SRSF10: variants seen among roughly 807,000 people sequenced by gnomAD.
SRSF10 encodes the protein serine and arginine rich splicing factor 10, also known as serine/arginine-rich splicing factor 10.
Under a neutral mutation model 32.6 loss-of-function variants are expected in SRSF10, and 9 were observed. The observed-to-expected ratio is 0.28, with a 90% CI of 0.17 to 0.48. SRSF10 has a LOEUF of 0.48. SRSF10 is among the 20% of genes least tolerant of loss of function. SRSF10 has a pLI of 0.99. For synonymous variants in SRSF10, 105 were observed against 112.4 expected, an observed-to-expected ratio of 0.93 and a Z score of 0.42; for missense variants, 201 against 331.8, an observed-to-expected ratio of 0.61 and a Z score of 3.06.
At position 23,980,280 on chromosome 1, in the gene SRSF10, G is replaced by GCACTAACGGGCT; in HGVS notation, c.-37_-26dup. The GCACTAACGGGCT allele has an allele frequency of 1.4e-6, 2 of 1,453,594 alleles. No homozygotes were observed. The highest frequency in any genetic ancestry group is 1.8e-6 in the Non-Finnish European group (2 of 1,096,728). The allele number at this position is 1,453,594 out of a possible 1,614,324, so 90.0% of individuals were successfully genotyped here. A position where few individuals can be genotyped will look rare whatever the true frequency, so the allele number is the denominator to read the frequency against. ...TGGCGGCGGCGTGTCTCGGCCGGGC[G>GCACTAACGGGCT]CACTAACGGGCTCAGCAAACCGTCC... On this transcript the variant is annotated 5_prime_UTR_variant, in exon 1 of 6. Coordinates refer to ENST00000492112, the MANE Select transcript of SRSF10 (RefSeq NM_054016.4).
intron 1 of SRSF10, chr1:23,979,066 T>TC (rs1642261108): frequency 4.3e-6 from 1 of 231,670 alleles, no homozygotes; most frequent in Non-Finnish European, 8.3e-6. Flanking sequence ...TGTTTTTTTT[T>TC]TTTTTTTTAC....
intron 2 of SRSF10, chr1:23,978,333 G>A (rs1406411085): frequency 6.0e-6 from 6 of 994,384 alleles, no homozygotes; most frequent in Non-Finnish European, 7.2e-6. Flanking sequence ...TTACCTCATT[G>A]TTATACAATT....
At chr1:23,973,992 A>ATTT (rs141826891) in intron 3 of SRSF10, among the ~76,000 whole-genome samples, 1,422 of 134,200 alleles carry the variant, frequency 0.011, 35 homozygotes, top group African/African-American at 0.037. Context: ...CTCAGCAGCT[A>ATTT]TTTTTTTTTT....
rs1641490907 is a variant in SRSF10, at chr1:23,967,083, GAAGAGAT to G, written c.*4052_*4058del. On this transcript the variant is annotated 3_prime_UTR_variant, in exon 6 of 6. Coordinates refer to ENST00000492112, the MANE Select transcript of SRSF10 (RefSeq NM_054016.4). ...AATATACTGACTAGGAAAGAGGTGA[GAAGAGAT>G]GGGCCCTCTTAGCTGGATGTCAAAT... is the stretch of plus-strand genomic sequence containing the variant. The G allele has an allele frequency of 1.3e-5, 2 of 152,266 alleles. No individual in the cohort carries two copies. Among genetic ancestry groups the G allele is most frequent in the Non-Finnish European group, 2.9e-5 (2 of 68,076 alleles). 9.4% of individuals were successfully genotyped at this position (152,266 alleles called of 1,614,324 possible).
At position 23,970,857 on chromosome 1, in the gene SRSF10, A is replaced by G; in HGVS notation, c.*285T>C. The G allele has an allele frequency of 1.7e-6, 2 of 1,164,060 alleles. No homozygotes were observed. Among genetic ancestry groups the G allele is most frequent in the Middle Eastern group, 3.6e-4 (1 of 2,788 alleles). The allele number at this position is 1,164,060 out of a possible 1,614,324, so 72.1% of individuals were successfully genotyped here. A position where few individuals can be genotyped will look rare whatever the true frequency, so the allele number is the denominator to read the frequency against. On this transcript the variant is annotated 3_prime_UTR_variant, in exon 6 of 6. Transcript: ENST00000492112. ...GAGACAATGTTGCAAATTATGGTCA[A>G]CCAACATCTTTTCACCAAATACTTC... is the stretch of plus-strand genomic sequence containing the variant.
In SRSF10 at chr1:23,967,541, T is replaced by C. The variant is rs1641512387; in HGVS notation, c.*3601A>G. The stretch of plus-strand genomic sequence containing the variant: ...GGACTTCAATTATTCCATGTAGTTT[T>C]CGATAACATTCTTTTATCTTTTCAG... On this transcript the variant is annotated 3_prime_UTR_variant, in exon 6 of 6. Transcript: ENST00000492112. The C allele has an allele frequency of 3.4e-6, 2 of 584,706 alleles. No homozygotes were observed. The highest frequency in any genetic ancestry group is 2.8e-5 in the Admixed American group (1 of 35,862). 36.2% of individuals were successfully genotyped at this position (584,706 alleles called of 1,614,324 possible).
Position 23,970,226 on chromosome 1 carries a change from G to C in SRSF10, c.*916C>G, listed in dbSNP as rs2148497572. 1 of 985,200 alleles carries C rather than the reference G, an allele frequency of 1.0e-6. No individual in the cohort carries two copies. Among genetic ancestry groups the C allele is most frequent in the East Asian group, 1.1e-4 (1 of 8,814 alleles). 61.0% of individuals were successfully genotyped at this position (985,200 alleles called of 1,614,324 possible). A position where few individuals can be genotyped will look rare whatever the true frequency, so the allele number is the denominator to read the frequency against. On this transcript the variant is annotated 3_prime_UTR_variant, in exon 6 of 6. Coordinates refer to ENST00000492112, the MANE Select transcript of SRSF10 (RefSeq NM_054016.4). ...ATGTTCCAAATCTTCATAGGAACCA[G>C]AAAAAAAGCAGTGAAGGCTCCATGT...
intron 1 of SRSF10, among the ~76,000 whole-genome samples, 153 bp downstream of exon 1, chr1:23,980,038 C>T (rs1642367012): frequency 6.6e-6 from 1 of 152,246 alleles, no homozygotes; most frequent in Non-Finnish European, 1.5e-5. Context: ...GCGGCTGAGG[C>T]CCGCTGCGCG....
In SRSF10 at chr1:23,971,588, T is replaced by A. The variant is rs1375730021; in HGVS notation, c.476A>T (p.His159Leu). The A allele has an allele frequency of 1.2e-6, 2 of 1,610,588 alleles. No homozygotes were observed. Among genetic ancestry groups the A allele is most frequent in the Non-Finnish European group, 1.7e-6 (2 of 1,179,744 alleles). ...AGTTATTTACCTATCATTGTCGGAA[T>A]GGCTTCTGCTACGCCGTGGTCTTCC... ...PTGRPRRSRS[H>L]SDNDRFKHRN... The change falls in exon 5 of 6, where the codon CAT becomes CTT. Residue 159 changes from histidine (H) to leucine (L), a missense_variant. His to Leu is a moderately conservative substitution (Grantham distance 99). Around this residue, in one of 3 missense-constraint regions of SRSF10, gnomAD observed 159 missense variants for 196.7 expected, o/e 0.81. Transcript: ENST00000492112.
In SRSF10 at chr1:23,966,554, C is replaced by A. The variant is rs1170759019; in HGVS notation, c.*4588G>T. On this transcript the variant is annotated 3_prime_UTR_variant, in exon 6 of 6. Transcript: ENST00000492112. ...AATTTGGTGAACATTTTCTCAATTA[C>A]AGAACATACTAAATCAGTTAGGATA... The A allele has an allele frequency of 6.6e-6, 1 of 151,970 alleles. No homozygotes were observed. The highest frequency in any genetic ancestry group is 2.4e-5 in the African/African-American group (1 of 41,416). 9.4% of individuals were successfully genotyped at this position (151,970 alleles called of 1,614,324 possible).
rs1230201375 is a variant in SRSF10, at chr1:23,980,289, G to T, written c.-34C>A. 4.9e-6 allele frequency: 7 copies of T among 1,437,448 alleles called. No individual in the cohort carries two copies. The African/African-American group carries it at 5.9e-5, about 12-fold the overall frequency. 89.0% of individuals were successfully genotyped at this position (1,437,448 alleles called of 1,614,324 possible). ...CGTGTCTCGGCCGGGCGCACTAACG[G>T]GCTCAGCAAACCGTCCGCGGCTCAG... On this transcript the variant is annotated 5_prime_UTR_variant, in exon 1 of 6. Coordinates refer to ENST00000492112, the MANE Select transcript of SRSF10 (RefSeq NM_054016.4).
chr1:23,972,135 G>A (rs1202201723), intron 3 of SRSF10, 123 bp from the exon 4 acceptor site: 2 of 830,588 alleles, frequency 2.4e-6, no homozygotes, highest in African/African-American at 1.8e-5. Context: ...TATGACCCGG[G>A]TGGTGGCTCA....
rs375743272 is a variant in SRSF10, at chr1:23,970,561, G to A, written c.*581C>T. Reference sequence around the variant, plus strand: ...TTTTTAGTAGAGACGGGGTTTCACCGTGTTGGTCAGGCTGGTCTCGAACTC... The same window carrying A: ...TTTTTAGTAGAGACGGGGTTTCACCATGTTGGTCAGGCTGGTCTCGAACTC... On this transcript the variant is annotated 3_prime_UTR_variant, in exon 6 of 6. Transcript: ENST00000492112. 2.0e-5 allele frequency: 12 copies of A among 598,930 alleles called. No homozygotes were observed. Among genetic ancestry groups the A allele is most frequent in the Middle Eastern group, 8.3e-4 (1 of 1,210 alleles). The allele number at this position is 598,930 out of a possible 1,614,324, so 37.1% of individuals were successfully genotyped here. A position where few individuals can be genotyped will look rare whatever the true frequency, so the allele number is the denominator to read the frequency against.
At position 23,970,302 on chromosome 1, in the gene SRSF10, G is replaced by A. The variant is rs1342961612; in HGVS notation, c.*840C>T. Reference sequence around the variant, plus strand: ...CTGGCATCATTCCCCAAGACAGTGGGGTTAACAAAAGAACTAATCCACACT... The same window carrying A: ...CTGGCATCATTCCCCAAGACAGTGGAGTTAACAAAAGAACTAATCCACACT... On this transcript the variant is annotated 3_prime_UTR_variant, in exon 6 of 6. Transcript: ENST00000492112. The A allele has an allele frequency of 1.0e-6, 1 of 984,226 alleles. No individual in the cohort carries two copies. Among genetic ancestry groups the A allele is most frequent in the Non-Finnish European group, 1.2e-6 (1 of 829,794 alleles). The allele number at this position is 984,226 out of a possible 1,614,324, so 61.0% of individuals were successfully genotyped here.
Position 23,969,498 on chromosome 1 carries a change from T to A in SRSF10, c.*1644A>T, listed in dbSNP as rs1157154999. The stretch of plus-strand genomic sequence containing the variant: ...CTTTAAACACATTCCACAAACAGTA[T>A]TTAAAATCCATCGTTGTATTCTTTA... On this transcript the variant is annotated 3_prime_UTR_variant, in exon 6 of 6. Transcript: ENST00000492112. The A allele has an allele frequency of 7.1e-6, 7 of 985,452 alleles. No individual in the cohort carries two copies. Among genetic ancestry groups the A allele is most frequent in the Non-Finnish European group, 7.2e-6 (6 of 829,898 alleles). The allele number at this position is 985,452 out of a possible 1,614,324, so 61.0% of individuals were successfully genotyped here. A position where few individuals can be genotyped will look rare whatever the true frequency, so the allele number is the denominator to read the frequency against.
intron 2 of SRSF10, chr1:23,976,869 AT>A (rs1166258458): frequency 6.6e-6 from 1 of 152,224 alleles, no homozygotes; most frequent in Admixed American, 6.5e-5. Context: ...CTTTTCAACT[AT>A]TTTAAAACCA....
rs1641651898 is a variant in SRSF10 at position 23,970,060 on chromosome 1, CAG to C, written c.*1080_*1081del. On this transcript the variant is annotated 3_prime_UTR_variant, in exon 6 of 6. Transcript: ENST00000492112. Reference sequence around the variant, plus strand: ...TTGAAACAATTTACTTACTTAACAGCAGTAAGAAAACTAAGCAATATTATGGT... The same window carrying C: ...TTGAAACAATTTACTTACTTAACAGCTAAGAAAACTAAGCAATATTATGGT... 1.8e-5 allele frequency: 18 copies of C among 985,390 alleles called. No homozygotes were observed. The highest frequency in any genetic ancestry group is 5.2e-4 in the Middle Eastern group (1 of 1,914). The allele number at this position is 985,390 out of a possible 1,614,324, so 61.0% of individuals were successfully genotyped here. A position where few individuals can be genotyped will look rare whatever the true frequency, so the allele number is the denominator to read the frequency against.
Position 23,965,766 on chromosome 1 carries a change from T to C in SRSF10, c.*5376A>G, listed in dbSNP as rs1031913811. 1 of 151,972 alleles carries C rather than the reference T, an allele frequency of 6.6e-6. No individual in the cohort carries two copies. Among genetic ancestry groups the C allele is most frequent in the Non-Finnish European group, 1.5e-5 (1 of 67,844 alleles). 9.4% of individuals were successfully genotyped at this position (151,972 alleles called of 1,614,324 possible). On this transcript the variant is annotated 3_prime_UTR_variant, in exon 6 of 6. Transcript: ENST00000492112. ...TTTAGAGAACTACCAACTGTTGTTATTGTAGTTATATATGTATTTACCTAA... is the reference window on the plus strand; with the variant it reads ...TTTAGAGAACTACCAACTGTTGTTACTGTAGTTATATATGTATTTACCTAA...
chr1:23,972,958 T>C (rs1570775780), intron 3 of SRSF10, among the ~76,000 whole-genome samples: 1 of 152,076 alleles, frequency 6.6e-6, no homozygotes, highest in African/African-American at 2.4e-5. Context: ...CAGGCTGGAC[T>C]TGAACTCCTG....
Sources: allele counts gnomAD v4.1 joint callset (sites outside exome capture counted in the v4.1 genomes callset), GRCh38; gene constraint gnomAD v4.1.1; regional missense constraint gnomAD v4.1.1; transcripts MANE v1.5; gene names NCBI Gene and HGNC (gene_info 2026-07-23, HGNC 2026-07-21).